DISP1: variants seen among roughly 807,000 people sequenced by gnomAD.
DISP1 encodes dispatched RND transporter family member 1, also known as protein dispatched homolog 1.
Under a neutral mutation model 37.3 loss-of-function variants are expected in DISP1, and 30 were observed. That is an observed-to-expected ratio of 0.80 (90% CI 0.60 to 1.09). The LOEUF (loss-of-function observed/expected upper bound fraction) is 1.09, where lower values mean the gene tolerates loss of function less well. DISP1 is among the 50% of genes least tolerant of loss of function. The pLI is 0.00. For missense variants in DISP1, 1,598 were observed against 1,879.5 expected (o/e 0.85, Z 2.77); for synonymous variants, 634 against 690.2 (o/e 0.92, Z 1.28).
At chr1:222,896,086 G>A (rs985008214) in intron 1 of DISP1, among the ~76,000 whole-genome samples, 13 of 152,020 alleles carry the variant, frequency 8.6e-5, no homozygotes. Flanking sequence ...CAGGTGGGAG[G>A]ATAGCTTTAC....
In DISP1 at chr1:222,876,361, C is replaced by T. The variant is rs189331972; in HGVS notation, c.-158-52069C>T. Among the ~76,000 whole-genome samples the T allele has an allele frequency of 3.0e-3, 451 of 152,256 alleles. 3 individuals are homozygous for T. Among genetic ancestry groups the T allele is most frequent in the African/African-American group, 0.011 (438 of 41,548 alleles). ...ATATAAATGAAGCAGAGTAGCAACA[C>T]TTTGGTGAACAGTTTTGCATTTTCT... is the stretch of plus-strand genomic sequence containing the variant. On this transcript the variant is annotated intron_variant, in intron 1 of 8. Transcript: ENST00000675850.
intron 1 of DISP1, among the ~76,000 whole-genome samples, chr1:222,818,518 T>C (rs1390444314): frequency 1.3e-5 from 2 of 152,186 alleles, no homozygotes; most frequent in African/African-American, 4.8e-5. Flanking sequence ...CAATATCACA[T>C]ATATATGTGT....
rs1679611005 is a variant in DISP1 at position 223,003,220 on chromosome 1, T to C, written c.1823T>C (p.Met608Thr). 1.9e-6 allele frequency: 3 copies of C among 1,614,134 alleles called. No individual in the cohort carries two copies. Among genetic ancestry groups the C allele is most frequent in the Non-Finnish European group, 1.7e-6 (2 of 1,180,048 alleles). Residue 608 changes from methionine (M) to threonine (T), a missense_variant, in exon 9 of 9, where the codon ATG (methionine) becomes ACG (threonine). By Grantham distance (81) the Met-to-Thr change is moderately conservative. Coordinates refer to ENST00000675850, the MANE Select transcript of DISP1 (RefSeq NM_001377229.1). The surrounding 1 kb of genome is among the most constrained non-coding windows in gnomAD (Gnocchi z 4.3). Reference protein sequence around the residue: ...SITLQHAALSMFVTSFTTAAA... With the variant: ...SITLQHAALSTFVTSFTTAAA... Reference sequence around the variant, plus strand: ...ACCTTGCAGCACGCTGCCCTCTCCATGTTCGTCACCAGTTTTACCACTGCT... The same window carrying C: ...ACCTTGCAGCACGCTGCCCTCTCCACGTTCGTCACCAGTTTTACCACTGCT...
intron 1 of DISP1, among the ~76,000 whole-genome samples, chr1:222,858,153 C>T (rs867030816): frequency 1.3e-5 from 2 of 152,152 alleles, no homozygotes; most frequent in Middle Eastern, 3.2e-3. Flanking sequence ...ACCATCTGAT[C>T]TTCCACAGAC....
rs1464235461 is a variant in DISP1 at position 222,823,530 on chromosome 1, G to A, written c.-159+8452G>A. Among the ~76,000 whole-genome samples the A allele has an allele frequency of 9.2e-5, 14 of 152,238 alleles. No homozygotes were observed. In the East Asian group the frequency reaches 1.7e-3, roughly 19 times the overall value. On this transcript the variant is annotated intron_variant, in intron 1 of 8. Coordinates refer to ENST00000675850, the MANE Select transcript of DISP1 (RefSeq NM_001377229.1). ...TAGTCATTAAAGACTGGAAAGGGTGGGAGAGGGTGAGGGATGAGAAATTGT... is the reference window on the plus strand; with the variant it reads ...TAGTCATTAAAGACTGGAAAGGGTGAGAGAGGGTGAGGGATGAGAAATTGT...
intron 2 of DISP1, among the ~76,000 whole-genome samples, chr1:222,942,060 A>T (rs1447591602): frequency 1.3e-5 from 2 of 150,730 alleles, no homozygotes; most frequent in Non-Finnish European, 2.9e-5. Context: ...GCATCTAAGG[A>T]TCTTCCTTTA....
chr1:222,834,080 T>C (rs369553161), intron 1 of DISP1, among the ~76,000 whole-genome samples: 8 of 152,346 alleles, frequency 5.3e-5, no homozygotes, highest in African/African-American at 1.9e-4. Flanking sequence ...TTGTAAGCTC[T>C]GAGAGTACAG....
intron 1 of DISP1, chr1:222,872,141 T>C (rs1423359468): frequency 6.6e-6 from 1 of 152,248 alleles, no homozygotes; most frequent in African/African-American, 2.4e-5. Context: ...GAAGCCCACT[T>C]GATCGTGGTG....
intron 1 of DISP1, among the ~76,000 whole-genome samples, chr1:222,874,665 T>G (rs1669846206): frequency 6.6e-6 from 1 of 152,102 alleles, no homozygotes; most frequent in Non-Finnish European, 1.5e-5. Context: ...TTCGTCTAAT[T>G]TTTTTTCAAA....
chr1:222,839,487 A>G (rs973613683), intron 1 of DISP1, among the ~76,000 whole-genome samples: 2 of 152,132 alleles, frequency 1.3e-5, no homozygotes, highest in African/African-American at 4.8e-5. Context: ...CCTGCCTGGG[A>G]GGTACAAGTT....
intron 1 of DISP1, among the ~76,000 whole-genome samples, chr1:222,826,236 C>T (rs1391674233): frequency 6.6e-6 from 1 of 152,076 alleles, no homozygotes; most frequent in Non-Finnish European, 1.5e-5. Flanking sequence ...TTGATTATTC[C>T]TCATGGTTGC....
intron 1 of DISP1, among the ~76,000 whole-genome samples, chr1:222,900,365 A>C (rs1032051943): frequency 6.6e-6 from 1 of 152,192 alleles, no homozygotes; most frequent in Non-Finnish European, 1.5e-5. Context: ...CATTTATGTC[A>C]TACATACCCA....
chr1:222,825,503 T>C (rs958024112), intron 1 of DISP1, among the ~76,000 whole-genome samples: 6 of 148,112 alleles, frequency 4.1e-5, no homozygotes, highest in African/African-American at 7.4e-5. Context: ...GTTTCTCTTT[T>C]TTTTTTTTTT....
chr1:222,879,739 CA>C (rs940237585), intron 1 of DISP1, among the ~76,000 whole-genome samples: 2 of 151,740 alleles, frequency 1.3e-5, no homozygotes, highest in East Asian at 1.9e-4. Flanking sequence ...TCTTAATGGG[CA>C]AAAAGGCAAT....
chr1:222,927,992 C>T (rs1175005541), intron 1 of DISP1, among the ~76,000 whole-genome samples: 1 of 152,040 alleles, frequency 6.6e-6, no homozygotes, highest in African/African-American at 2.4e-5. Flanking sequence ...CACAAGAATC[C>T]CTGGAACTTG....
chr1:222,861,852 T>G (rs536389075), intron 1 of DISP1, among the ~76,000 whole-genome samples: 1 of 152,326 alleles, frequency 6.6e-6, no homozygotes, highest in East Asian at 1.9e-4. Flanking sequence ...TCTCAGAAGA[T>G]AGATTCATTT....
intron 1 of DISP1, among the ~76,000 whole-genome samples, chr1:222,852,059 C>T (rs1668275428): frequency 6.6e-6 from 1 of 152,034 alleles, no homozygotes; most frequent in Non-Finnish European, 1.5e-5. Context: ...TGGCGCATGC[C>T]TGTAATCCCA....
chr1:222,911,318 CT>C (rs1558324929), intron 1 of DISP1, among the ~76,000 whole-genome samples: 1 of 152,140 alleles, frequency 6.6e-6, no homozygotes, highest in Non-Finnish European at 1.5e-5. Context: ...CCAGAGCCTG[CT>C]TCCAATTTGT....
rs571700121 is a variant in DISP1 at position 222,868,645 on chromosome 1, A to G, written c.-159+53567A>G. ...AATGACTTTTTAAAATGAACTTACAACAGTGATGTCAGTTAGCAGAATTTC... is the reference window on the plus strand; with the variant it reads ...AATGACTTTTTAAAATGAACTTACAGCAGTGATGTCAGTTAGCAGAATTTC... On this transcript the variant is annotated intron_variant, in intron 1 of 8. Coordinates refer to ENST00000675850, the MANE Select transcript of DISP1 (RefSeq NM_001377229.1). Among the ~76,000 whole-genome samples, 426 of 152,226 alleles carry G rather than the reference A, an allele frequency of 2.8e-3. 1 individual carries two copies. Among genetic ancestry groups the G allele is most frequent in the Non-Finnish European group, 4.5e-3 (304 of 67,984 alleles).
Sources: allele counts gnomAD v4.1 joint callset (sites outside exome capture counted in the v4.1 genomes callset), GRCh38; gene constraint gnomAD v4.1.1; non-coding constraint Gnocchi (gnomAD v3.1); transcripts MANE v1.5; gene names NCBI Gene and HGNC (gene_info 2026-07-23, HGNC 2026-07-21).